Variants in SLC25A48 observed in about 807,000 individuals in gnomAD.
SLC25A48 encodes solute carrier family 25 member 48.
In SLC25A48, 29 loss-of-function variants were observed where a neutral mutation model predicts 32.2. The observed-to-expected ratio is 0.90, with a 90% confidence interval of 0.67 to 1.23. The LOEUF (loss-of-function observed/expected upper bound fraction) is 1.23, where lower values mean the gene tolerates loss of function less well. Ranked by LOEUF, SLC25A48 falls within the 50% of genes most tolerant of loss-of-function variation. The probability of loss-of-function intolerance (pLI) is 0.00; values close to 1 mark genes in which losing one functional copy is unlikely to be tolerated. For missense variants in SLC25A48, 399 were observed against 422.7 expected (o/e 0.94, Z 0.49); for synonymous variants, 164 against 172.3 (o/e 0.95, Z 0.38).
chr5:135,585,249 C>G (rs1476611965), intron 1 of SLC25A48, among the ~76,000 whole-genome samples: 1 of 152,220 alleles, frequency 6.6e-6, no homozygotes, highest in Non-Finnish European at 1.5e-5. Flanking sequence ...CTCACCAGCC[C>G]TGTTCCATGT....
chr5:135,886,669 TGTGTGAGA>T lies in SLC25A48; in HGVS notation c.*8-1361_*8-1354del, dbSNP rs1367848773. 3.8e-3 allele frequency among the ~76,000 whole-genome samples: 308 copies of T among 81,274 alleles called. 16 individuals are homozygous for T. The highest frequency in any genetic ancestry group is 0.017 in the African/African-American group (255 of 14,694). 53.3% of individuals were successfully genotyped at this position (81,274 alleles called of 152,430 possible). ...ATATATGTGTGTGTGTGTGTGTGTG[TGTGTGAGA>T]GAGAGAGAGAGAGAGAGAGAGAGAG... On this transcript the variant is annotated intron_variant, in intron 7 of 7. Coordinates refer to ENST00000681962, the MANE Select transcript of SLC25A48 (RefSeq NM_001349336.2).
At chr5:135,832,109 C>T (rs916188609), upstream of SLC25A48, among the ~76,000 whole-genome samples, 10 of 152,064 alleles carry the variant, frequency 6.6e-5, no homozygotes, top group East Asian at 5.8e-4. Flanking sequence ...GAGAGTTCAT[C>T]GAGGGATGCG....
At chr5:135,630,917 T>G (rs1322846808) in intron 2 of SLC25A48, among the ~76,000 whole-genome samples, 1 of 152,086 alleles carries the variant, frequency 6.6e-6, no homozygotes, top group African/African-American at 2.4e-5. Context: ...CTTAGCAGTA[T>G]TCTAATGAGC....
At chr5:135,580,762 C>T (rs1032878996) in intron 1 of SLC25A48, among the ~76,000 whole-genome samples, 10 of 152,042 alleles carry the variant, frequency 6.6e-5, no homozygotes, top group African/African-American at 2.4e-4. Context: ...CATTTTCACG[C>T]AAGTAAAATC....
chr5:135,623,788 C>T (rs1002664019), intron 1 of SLC25A48, among the ~76,000 whole-genome samples: 7 of 152,212 alleles, frequency 4.6e-5, no homozygotes, highest in Admixed American at 2.6e-4. Context: ...TTAGCTATCA[C>T]TCAACAGTGT....
At chr5:135,745,407 A>G (rs1416518390) in intron 3 of SLC25A48, among the ~76,000 whole-genome samples, 1 of 152,182 alleles carries the variant, frequency 6.6e-6, no homozygotes, top group Non-Finnish European at 1.5e-5. Context: ...AACAACCTCC[A>G]GCGTGGGTGT....
intron 3 of SLC25A48, among the ~76,000 whole-genome samples, chr5:135,771,137 G>T (rs1756398779): frequency 6.6e-6 from 1 of 151,642 alleles, no homozygotes; most frequent in Non-Finnish European, 1.5e-5. Flanking sequence ...CTAATATTCA[G>T]TGGGGAAGAA....
At chr5:135,687,677 C>T (rs1283333236) in intron 3 of SLC25A48, among the ~76,000 whole-genome samples, 1 of 152,066 alleles carries the variant, frequency 6.6e-6, no homozygotes, top group Non-Finnish European at 1.5e-5. Context: ...TGTAAACAGA[C>T]ATTGTTTTCC....
At chr5:135,806,312 T>G (rs1050877597) in intron 3 of SLC25A48, among the ~76,000 whole-genome samples, 2 of 151,678 alleles carry the variant, frequency 1.3e-5, no homozygotes, top group African/African-American at 4.8e-5. Flanking sequence ...CATCAATATT[T>G]TATTAATATC....
At chr5:135,687,422 CAGATTTCTGTGTAACTG>C (rs1216322608) in intron 3 of SLC25A48, among the ~76,000 whole-genome samples, 3 of 152,174 alleles carry the variant, frequency 2.0e-5, no homozygotes, top group Non-Finnish European at 2.9e-5. Context: ...CCAGACAAAT[CAGATTTCTGTGTAACTG>C]AGATTTCTGT....
intron 1 of SLC25A48, among the ~76,000 whole-genome samples, chr5:135,624,582 A>G (rs1487022896): frequency 4.6e-5 from 7 of 152,228 alleles, no homozygotes; most frequent in African/African-American, 1.7e-4. Context: ...CTGGGATTCT[A>G]TGCCTGCCTC....
chr5:135,647,037 G>A (rs1752980212), intron 3 of SLC25A48, among the ~76,000 whole-genome samples: 1 of 151,998 alleles, frequency 6.6e-6, no homozygotes, highest in Non-Finnish European at 1.5e-5. Flanking sequence ...TATATGAGAT[G>A]ATGGATATGT....
Position 135,781,512 on chromosome 5 carries a change from C to A in SLC25A48, c.-520-31011C>A, listed in dbSNP as rs975471374. 5.1e-5 allele frequency among the ~76,000 whole-genome samples: 6 copies of A among 117,216 alleles called. 2 individuals are homozygous for A. Among genetic ancestry groups the A allele is most frequent in the African/African-American group, 1.6e-4 (6 of 38,528 alleles). 76.9% of individuals were successfully genotyped at this position (117,216 alleles called of 152,430 possible). A position where few individuals can be genotyped will look rare whatever the true frequency, so the allele number is the denominator to read the frequency against. Reference sequence around the variant, plus strand: ...TCCCAATATTGCAGAAAGGGTACAACCACCCTGTGATATTGTTCCTAATAT... The same window carrying A: ...TCCCAATATTGCAGAAAGGGTACAAACACCCTGTGATATTGTTCCTAATAT... On this transcript the variant is annotated intron_variant, in intron 3 of 10. Coordinates refer to the SLC25A48 transcript ENST00000646290.
intron 3 of SLC25A48, among the ~76,000 whole-genome samples, chr5:135,742,794 A>G (rs1226986662): frequency 9.9e-5 from 15 of 152,100 alleles, no homozygotes. Context: ...TTATTGGTTT[A>G]CACATTTGTC....
intron 3 of SLC25A48, among the ~76,000 whole-genome samples, chr5:135,647,493 A>G (rs1483790847): frequency 6.7e-6 from 1 of 148,738 alleles, no homozygotes; most frequent in East Asian, 1.9e-4. Flanking sequence ...CTTGTCCCCA[A>G]ATCTCTGTAA....
At chr5:135,806,977 AAC>A (rs1757477848) in intron 3 of SLC25A48, among the ~76,000 whole-genome samples, 1 of 150,474 alleles carries the variant, frequency 6.6e-6, no homozygotes, top group African/African-American at 2.4e-5. Context: ...ACTGTGTTAA[AAC>A]ACAGGATTAA....
intron 1 of SLC25A48, among the ~76,000 whole-genome samples, chr5:135,610,919 T>A (rs1580721778): frequency 6.6e-6 from 1 of 152,208 alleles, no homozygotes; most frequent in Non-Finnish European, 1.5e-5. Context: ...AATAAGCAGA[T>A]ACTTTGACAT....
intron 1 of SLC25A48, among the ~76,000 whole-genome samples, chr5:135,592,864 C>T (rs909652044): frequency 6.6e-6 from 1 of 152,194 alleles, no homozygotes; most frequent in African/African-American, 2.4e-5. Context: ...GCATCAATGC[C>T]TTAAGGCAGA....
At chr5:135,592,178 G>C (rs1751542661) in intron 1 of SLC25A48, among the ~76,000 whole-genome samples, 1 of 152,162 alleles carries the variant, frequency 6.6e-6, no homozygotes, top group Non-Finnish European at 1.5e-5. Context: ...GTGAGAAGAG[G>C]CTCCATGCCT....
Sources: gnomAD v4.1 joint callset for allele counts (sites outside exome capture counted in the v4.1 genomes callset) on GRCh38, gnomAD v4.1.1 for gene constraint, MANE v1.5 for transcripts, NCBI Gene and HGNC (gene_info 2026-07-23, HGNC 2026-07-21) for gene names.